PRICKLE2: variants seen among roughly 807,000 people sequenced by gnomAD.
PRICKLE2 encodes prickle planar cell polarity protein 2, also known as prickle-like protein 2.
A neutral mutation model predicts 81.4 loss-of-function variants in PRICKLE2; 21 were observed. The observed-to-expected ratio is 0.26, with a 90% CI of 0.18 to 0.37. The LOEUF (loss-of-function observed/expected upper bound fraction) is 0.37. Ranked by LOEUF, PRICKLE2 falls within the 10% of genes least tolerant of loss-of-function variation. The pLI is 1.00. For missense variants in PRICKLE2, 940 were observed against 1,109.0 expected (o/e 0.85, Z 2.16); for synonymous variants, 456 against 421.5 (o/e 1.08, Z -1.00).
chr3:64,167,137 T>C (rs916244607), intron 2 of PRICKLE2, among the ~76,000 whole-genome samples: 1 of 152,198 alleles, frequency 6.6e-6, no homozygotes, highest in African/African-American at 2.4e-5. Context: ...TTTGGCACAA[T>C]CCCTGAAAAT....
In PRICKLE2 at chr3:64,179,735, T is replaced by C. The variant is rs141938223; in HGVS notation, c.145-16606A>G. ...GCTGCCGCAAGTATTGATTTTGGGG[T>C]TACAAATAAATTTTGGCAAGTGGGC... On this transcript the variant is annotated intron_variant, in intron 2 of 7. Transcript: ENST00000638394. Among the ~76,000 whole-genome samples the C allele has an allele frequency of 3.3e-4, 50 of 152,220 alleles. No homozygotes were observed. In the East Asian group the frequency reaches 8.3e-3, roughly 25 times the overall value.
chr3:64,107,358 G>A (rs369063461), intron 7 of PRICKLE2, among the ~76,000 whole-genome samples: 4 of 152,170 alleles, frequency 2.6e-5, no homozygotes, highest in Non-Finnish European at 2.9e-5. Context: ...CTGATGGAAC[G>A]GAAAGAAAAT....
At chr3:64,237,258 G>C (rs2107167217) in intron 2 of PRICKLE2, among the ~76,000 whole-genome samples, 1 of 152,300 alleles carries the variant, frequency 6.6e-6, no homozygotes, top group Middle Eastern at 3.4e-3. Context: ...CAGTGTGACA[G>C]CCTGTTGCAT....
In PRICKLE2 at chr3:64,121,169, C is replaced by A. The variant is rs56232723; in HGVS notation, c.1661-21244G>T. 3.3e-3 allele frequency among the ~76,000 whole-genome samples: 506 copies of A among 152,256 alleles called. 2 individuals are homozygous for A. Among genetic ancestry groups the A allele is most frequent in the Non-Finnish European group, 6.0e-3 (408 of 68,020 alleles). ...TCCTCCAGGGCCCTCAAATCTCTTTCCTCCCACCTTGCAAATCTTTATATC... is the reference window on the plus strand; with the variant it reads ...TCCTCCAGGGCCCTCAAATCTCTTTACTCCCACCTTGCAAATCTTTATATC... On this transcript the variant is annotated intron_variant, in intron 7 of 7. Transcript: ENST00000638394.
chr3:64,266,438 G>C (rs923615546), intron 2 of PRICKLE2, among the ~76,000 whole-genome samples: 1 of 152,178 alleles, frequency 6.6e-6, no homozygotes, highest in African/African-American at 2.4e-5. Context: ...GAAATCCAGA[G>C]AGAGCTGGGT....
chr3:64,120,254 T>C (rs1015651908), intron 7 of PRICKLE2, among the ~76,000 whole-genome samples: 95 of 152,160 alleles, frequency 6.2e-4, no homozygotes, highest in African/African-American at 2.2e-3. Context: ...ATAGAAGCTA[T>C]GGAATAAAGG....
At chr3:64,174,221 G>T (rs2077981346) in intron 2 of PRICKLE2, among the ~76,000 whole-genome samples, 1 of 152,204 alleles carries the variant, frequency 6.6e-6, no homozygotes, top group African/African-American at 2.4e-5. Flanking sequence ...AACTGCATTT[G>T]ATGTTGAATG....
intron 2 of PRICKLE2, among the ~76,000 whole-genome samples, chr3:64,257,206 T>A (rs1216346685): frequency 7.2e-5 from 11 of 152,232 alleles, no homozygotes; most frequent in Admixed American, 7.2e-4. Flanking sequence ...TTGGCTGAGT[T>A]AAACCAGTGG....
At chr3:64,263,870 C>T (rs1277795355) in intron 2 of PRICKLE2, among the ~76,000 whole-genome samples, 1 of 152,150 alleles carries the variant, frequency 6.6e-6, no homozygotes, top group African/African-American at 2.4e-5. Context: ...GTTGTTGCCA[C>T]GAGGGCCTCT....
chr3:64,129,747 G>A (rs148714519), intron 7 of PRICKLE2, among the ~76,000 whole-genome samples: 3 of 152,074 alleles, frequency 2.0e-5, no homozygotes, highest in African/African-American at 7.2e-5. Flanking sequence ...TCAGATTTAC[G>A]TATTAGTCAA....
At chr3:64,170,488 C>T (rs2077909800) in intron 2 of PRICKLE2, among the ~76,000 whole-genome samples, 1 of 152,088 alleles carries the variant, frequency 6.6e-6, no homozygotes, top group Non-Finnish European at 1.5e-5. Context: ...ACCTTTGTGC[C>T]TCTGCAGTCG....
intron 2 of PRICKLE2, among the ~76,000 whole-genome samples, chr3:64,182,963 GATTAT>G (rs1205189491): frequency 1.3e-5 from 2 of 152,034 alleles, no homozygotes; most frequent in Non-Finnish European, 2.9e-5. Flanking sequence ...TGGTAGGAAT[GATTAT>G]ATAAGTTATT....
intron 7 of PRICKLE2, among the ~76,000 whole-genome samples, chr3:64,134,214 C>G (rs1035928678): frequency 6.6e-6 from 1 of 152,148 alleles, no homozygotes; most frequent in Non-Finnish European, 1.5e-5. Flanking sequence ...AGAGGTGGTA[C>G]GGTTTCAACC....
intron 1 of PRICKLE2, among the ~76,000 whole-genome samples, chr3:64,203,917 G>T (rs938650475): frequency 5.9e-5 from 9 of 152,030 alleles, no homozygotes; most frequent in African/African-American, 1.7e-4. Flanking sequence ...GGTGGAGGTT[G>T]CAGTGAGCCC....
Position 64,111,597 on chromosome 3 carries a change from A to T in PRICKLE2, c.1661-11672T>A, listed in dbSNP as rs138752252. On this transcript the variant is annotated intron_variant, in intron 7 of 7. Transcript: ENST00000638394. ...CCTTTTTATTAATGTATAGTTTTCT[A>T]TTGTATAAATATGAATTACATGCAA... Among the ~76,000 whole-genome samples, 696 of 152,356 alleles carry T rather than the reference A, an allele frequency of 4.6e-3. 7 individuals carry two copies. The highest frequency in any genetic ancestry group is 0.015 in the African/African-American group (619 of 41,584).
rs147166261 is a variant in PRICKLE2, at chr3:64,128,651, C to T, written c.1660+18179G>A. ...AATCCAGCTACTCAGGAGGCTGAGG[C>T]AGGAGAATAATGTGAACCCGGGAGG... is the stretch of plus-strand genomic sequence containing the variant. On this transcript the variant is annotated intron_variant, in intron 7 of 7. Transcript: ENST00000638394. 2.4e-3 allele frequency among the ~76,000 whole-genome samples: 356 copies of T among 145,586 alleles called. 2 individuals carry two copies. Among genetic ancestry groups the T allele is most frequent in the African/African-American group, 8.8e-3 (343 of 38,990 alleles).
intron 7 of PRICKLE2, among the ~76,000 whole-genome samples, chr3:64,119,700 T>C (rs2076996020): frequency 6.6e-6 from 1 of 152,174 alleles, no homozygotes; most frequent in Non-Finnish European, 1.5e-5. Context: ...GCAATCCCAT[T>C]ACCGGGTATA....
chr3:64,237,582 C>A (rs1223737489), intron 2 of PRICKLE2, among the ~76,000 whole-genome samples: 1 of 152,076 alleles, frequency 6.6e-6, no homozygotes, highest in African/African-American at 2.4e-5. Flanking sequence ...GCCAGTGGAG[C>A]CTGGGGTTTT....
At chr3:64,237,454 C>T (rs552757233) in intron 2 of PRICKLE2, among the ~76,000 whole-genome samples, 10 of 152,210 alleles carry the variant, frequency 6.6e-5, no homozygotes, top group South Asian at 2.1e-4. Context: ...AACTCTTCTC[C>T]GAGGTCCCAC....
Sources: allele counts gnomAD v4.1 joint callset (sites outside exome capture counted in the v4.1 genomes callset), GRCh38; gene constraint gnomAD v4.1.1; transcripts MANE v1.5; gene names NCBI Gene and HGNC (gene_info 2026-07-23, HGNC 2026-07-21).